HERC5: variants seen among roughly 807,000 people sequenced by gnomAD.
HERC5 encodes HECT and RLD domain containing E3 ubiquitin protein ligase 5.
HERC5 carries 99 observed loss-of-function variants against 119.6 expected under a neutral mutation model. The observed-to-expected ratio is 0.83, with a 90% CI of 0.70 to 0.98. The LOEUF (loss-of-function observed/expected upper bound fraction) is 0.98. Among genes scored for constraint, HERC5 ranks in the 50% least tolerant of loss-of-function variants. The pLI is 0.00. For synonymous variants in HERC5, 478 were observed against 445.9 expected (o/e 1.07, Z -0.91); for missense variants, 1,267 against 1,241.3 (o/e 1.02, Z -0.31).
At chr4:88,472,066 A>G (rs1740892318) in intron 10 of HERC5, among the ~76,000 whole-genome samples, 1 of 151,048 alleles carries the variant, frequency 6.6e-6, no homozygotes, top group Non-Finnish European at 1.5e-5. Context: ...CATGTTCACA[A>G]CTCACTGCAG....
At chr4:88,476,470 G>T (rs1205072023) in intron 12 of HERC5, among the ~76,000 whole-genome samples, 1 of 152,162 alleles carries the variant, frequency 6.6e-6, no homozygotes, top group South Asian at 2.1e-4. Context: ...TATTACAATT[G>T]TGCTTTTGTA....
chr4:88,502,101 CTG>C (rs1266121818), intron 20 of HERC5, among the ~76,000 whole-genome samples: 2 of 152,158 alleles, frequency 1.3e-5, no homozygotes, highest in Admixed American at 6.5e-5. Flanking sequence ...CCCGGCCTAT[CTG>C]TAGTATTTTT....
In HERC5 at chr4:88,504,607, A is replaced by G. The variant is rs1300386090; in HGVS notation, c.2869+10A>G. On this transcript the variant is annotated intron_variant, in intron 22 of 22. Transcript: ENST00000264350. ...AAGAAAAAATTCCTTGGTAAGTATT[A>G]TATCAAGGAATAGATCTGTAATCGT... The G allele has an allele frequency of 1.4e-6, 2 of 1,448,746 alleles. No individual in the cohort carries two copies. Among genetic ancestry groups the G allele is most frequent in the Admixed American group, 2.3e-5 (1 of 43,562 alleles). 89.7% of individuals were successfully genotyped at this position (1,448,746 alleles called of 1,614,324 possible).
intron 19 of HERC5, 69 bp downstream of exon 19, chr4:88,500,061 C>T: frequency 2.1e-6 from 2 of 931,972 alleles, no homozygotes; most frequent in Non-Finnish European, 3.3e-6. Context: ...TTTAACTAAA[C>T]ATGTCAACTT....
At position 88,489,350 on chromosome 4, in the gene HERC5, C is replaced by T; in HGVS notation, c.2133+14C>T. 6.3e-7 allele frequency: 1 copy of T among 1,587,166 alleles called. No individual in the cohort carries two copies. Among genetic ancestry groups the T allele is most frequent in the Non-Finnish European group, 8.6e-7 (1 of 1,168,346 alleles). Reference sequence around the variant, plus strand: ...AAAGAGTTATGGGTAAGGTGTAATTCTCACTTAATGTTTTTGCTGCTGAGA... The same window carrying T: ...AAAGAGTTATGGGTAAGGTGTAATTTTCACTTAATGTTTTTGCTGCTGAGA... On this transcript the variant is annotated intron_variant, in intron 16 of 22. Coordinates refer to ENST00000264350, the MANE Select transcript of HERC5 (RefSeq NM_016323.4).
chr4:88,457,274 A>G lies in HERC5; in HGVS notation c.5A>G (p.Glu2Gly). The change falls in exon 1 of 23, where the codon GAG becomes GGG. Residue 2 changes from glutamate to glycine, a missense_variant. By Grantham distance (98) the Glu-to-Gly change is moderately conservative (BLOSUM62 -2). This residue lies in a region of HERC5 where 777 missense variants were observed against 758.0 expected (regional missense o/e 1.03). Coordinates refer to ENST00000264350, the MANE Select transcript of HERC5 (RefSeq NM_016323.4). ...CTGGGACCCCGCAAAGCGGCGATGGAGCGGAGGTCGCGGAGGAAGTCGCGG... is the reference window on the plus strand; with the variant it reads ...CTGGGACCCCGCAAAGCGGCGATGGGGCGGAGGTCGCGGAGGAAGTCGCGG... The part of the protein sequence containing the change: M[E>G]RRSRRKSRRN... The G allele has an allele frequency of 7.4e-7, 1 of 1,349,142 alleles. No homozygotes were observed. Among genetic ancestry groups the G allele is most frequent in the Admixed American group, 3.9e-5 (1 of 25,322 alleles). 83.6% of individuals were successfully genotyped at this position (1,349,142 alleles called of 1,614,324 possible).
In HERC5 at chr4:88,500,957, A is replaced by T; in HGVS notation, c.2554A>T (p.Ser852Cys). ...RNDTNLIPNG[S>C]SITVNQTNKR... ...CGACACAAACTTAATTCCTAATGGA[A>T]GTAGCATAACTGTCAACCAGACTAA... is the stretch of plus-strand genomic sequence containing the variant. The change falls in exon 20 of 23, where the codon AGT becomes TGT. Residue 852 changes from serine to cysteine, a missense_variant. Transcript: ENST00000264350. 1 of 1,612,252 alleles carries T rather than the reference A, an allele frequency of 6.2e-7. No individual in the cohort carries two copies. Among genetic ancestry groups the T allele is most frequent in the Non-Finnish European group, 8.5e-7 (1 of 1,179,398 alleles).
chr4:88,461,828 G>A (rs1023970444), intron 3 of HERC5, among the ~76,000 whole-genome samples: 6 of 152,004 alleles, frequency 3.9e-5, no homozygotes, highest in African/African-American at 7.2e-5. Flanking sequence ...TCATGGGCCC[G>A]TCCTCTGAGT....
intron 13 of HERC5, 147 bp downstream of exon 13, chr4:88,479,654 T>C (rs894061700): frequency 1.3e-5 from 6 of 473,758 alleles, no homozygotes; most frequent in Admixed American, 1.2e-4. Context: ...AATTACATCA[T>C]ACATATAAAG....
intron 6 of HERC5, among the ~76,000 whole-genome samples, chr4:88,465,975 T>G (rs1292301258): frequency 6.6e-6 from 1 of 152,100 alleles, no homozygotes; most frequent in East Asian, 1.9e-4. Flanking sequence ...GTTGTTTTTG[T>G]TTTTTCTGGT....
rs750735560 is a variant in HERC5 at position 88,457,489 on chromosome 4, C to T, written c.220C>T (p.Gln74Ter). 1.5e-6 allele frequency: 2 copies of T among 1,318,494 alleles called. No individual in the cohort carries two copies. The allele number at this position is 1,318,494 out of a possible 1,614,324, so 81.7% of individuals were successfully genotyped here. ...AVLERGGAGV[Q>*]VHQLLAGSGG... ...CTTGGAACGCGGCGGGGCGGGCGTC[C>T]AGGTTCACCAGCTGCTCGCCGGGAG... The change falls in exon 1 of 23, where the codon CAG (glutamine) becomes TAG (stop). Residue 74 changes from glutamine to a stop codon, truncating the protein, a stop_gained. Transcript: ENST00000264350. LOFTEE classifies it high-confidence loss of function.
At position 88,463,876 on chromosome 4, in the gene HERC5, G is replaced by T; in HGVS notation, c.802G>T (p.Gly268Cys). 1 of 1,613,534 alleles carries T rather than the reference G, an allele frequency of 6.2e-7. No homozygotes were observed. The change falls in exon 6 of 23, where the codon GGT (glycine) becomes TGT (cysteine). Residue 268 changes from glycine to cysteine, a missense_variant. Around this residue, in one of 3 missense-constraint regions of HERC5, gnomAD observed 777 missense variants for 758.0 expected, o/e 1.03. Coordinates refer to ENST00000264350, the MANE Select transcript of HERC5 (RefSeq NM_016323.4). Reference sequence around the variant, plus strand: ...TTAGGATGGGCTGCTGTTTACTTTCGGTGCTGGAAAACATGGGCAACTTGG... The same window carrying T: ...TTAGGATGGGCTGCTGTTTACTTTCTGTGCTGGAAAACATGGGCAACTTGG... ...LTQDGLLFTF[G>C]AGKHGQLGHN...
intron 10 of HERC5, among the ~76,000 whole-genome samples, chr4:88,471,432 T>C (rs1482461634): frequency 6.6e-6 from 1 of 151,826 alleles, no homozygotes; most frequent in Non-Finnish European, 1.5e-5. Context: ...CATCAAACTC[T>C]TGGGCTCAAG....
chr4:88,465,920 A>G (rs999234563), intron 6 of HERC5, among the ~76,000 whole-genome samples: 1 of 152,216 alleles, frequency 6.6e-6, no homozygotes, highest in Non-Finnish European at 1.5e-5. Flanking sequence ...GTGACAGGAC[A>G]TACAGAATTT....
At chr4:88,461,296 C>A (rs1350270494) in intron 3 of HERC5, among the ~76,000 whole-genome samples, 2 of 152,138 alleles carry the variant, frequency 1.3e-5, no homozygotes, top group East Asian at 3.9e-4. Context: ...ACACACAAGC[C>A]CTGCCTTTAA....
At chr4:88,487,456 A>G (rs1346504612) in intron 15 of HERC5, among the ~76,000 whole-genome samples, 1 of 152,170 alleles carries the variant, frequency 6.6e-6, no homozygotes, top group African/African-American at 2.4e-5. Context: ...GGCAGCCTGT[A>G]GTCTTCTGAA....
At chr4:88,499,130 AT>A (rs1741880697) in intron 18 of HERC5, among the ~76,000 whole-genome samples, 1 of 152,114 alleles carries the variant, frequency 6.6e-6, no homozygotes, top group Admixed American at 6.5e-5. Flanking sequence ...TACCTGTGTG[AT>A]TTCCATAGTT....
intron 4 of HERC5, among the ~76,000 whole-genome samples, chr4:88,463,327 C>A (rs1277275379): frequency 6.6e-6 from 1 of 151,100 alleles, no homozygotes; most frequent in Non-Finnish European, 1.5e-5. Flanking sequence ...CAGGTGGGTG[C>A]CCCTAAGTGT....
chr4:88,493,317 T>C (rs999137361), intron 17 of HERC5, among the ~76,000 whole-genome samples, 162 bp downstream of exon 17: 2 of 152,230 alleles, frequency 1.3e-5, no homozygotes, highest in Non-Finnish European at 2.9e-5. Flanking sequence ...TTCTTTAAAA[T>C]GGAGTTTCCT....
Sources: gnomAD v4.1 joint callset for allele counts (sites outside exome capture counted in the v4.1 genomes callset) on GRCh38, gnomAD v4.1.1 for gene constraint, gnomAD v4.1.1 regional missense constraint, MANE v1.5 for transcripts, NCBI Gene and HGNC (gene_info 2026-07-23, HGNC 2026-07-21) for gene names.